Variants in AIPL1 observed in about 807,000 individuals in gnomAD.
AIPL1 encodes the protein aryl-hydrocarbon-interacting protein-like 1.
Under a neutral mutation model 32.9 loss-of-function variants are expected in AIPL1, and 23 were observed. That is an observed-to-expected ratio of 0.70 (90% CI 0.50 to 0.99). AIPL1 has a LOEUF of 0.99. Among genes scored for constraint, AIPL1 ranks in the 50% least tolerant of loss-of-function variants. AIPL1 has a pLI of 0.00. For missense variants in AIPL1, 485 were observed against 506.0 expected, an observed-to-expected ratio of 0.96 and a Z score of 0.40; for synonymous variants, 210 against 209.4, an observed-to-expected ratio of 1.00 and a Z score of -0.02.
At position 6,425,503 on chromosome 17, in the gene AIPL1, G is replaced by C. The variant is rs745586461; in HGVS notation, c.1112C>G (p.Ala371Gly). 10 of 1,608,294 alleles carry C rather than the reference G, an allele frequency of 6.2e-6. No individual in the cohort carries two copies. The Admixed American group carries it at 1.7e-4, about 27-fold the overall frequency. ...CCCTGGGGACGGGGGTGGCTCTGTG[G>C]CTGGCTCTGCAGGGGGCCCTGCGGA... ...ELSAGPPAEP[A>G]TEPPPSPGHS... Residue 371 changes from alanine to glycine, a missense_variant, in exon 6 of 6, where the codon GCC (alanine) becomes GGC (glycine). Ala to Gly is a moderately conservative substitution (Grantham distance 60, BLOSUM62 0). Coordinates refer to ENST00000381129, the MANE Select transcript of AIPL1 (RefSeq NM_014336.5).
At position 6,424,683 on chromosome 17, in the gene AIPL1, CT is replaced by C. The variant is rs1911732902; in HGVS notation, c.*776del. On this transcript the variant is annotated 3_prime_UTR_variant, in exon 6 of 6. Transcript: ENST00000381129. ...GTTCAATCAATTCTCCTGCCTCAGC[CT>C]CCCAAGTAGCTGGGATTATAGGCGC... 1 of 152,328 alleles carries C rather than the reference CT, an allele frequency of 6.6e-6. No homozygotes were observed. The highest frequency in any genetic ancestry group is 2.4e-5 in the African/African-American group (1 of 41,458). The allele number at this position is 152,328 out of a possible 1,614,324, so 9.4% of individuals were successfully genotyped here. A position where few individuals can be genotyped will look rare whatever the true frequency, so the allele number is the denominator to read the frequency against.
chr17:6,434,988 C>T, intron 1 of AIPL1, 21 bp downstream of exon 1: 2 of 1,614,110 alleles, frequency 1.2e-6, no homozygotes, highest in Non-Finnish European at 1.7e-6. Flanking sequence ...ACCCTGTCTG[C>T]TCCGGAGGGG....
At chr17:6,427,144 A>T in intron 3 of AIPL1, 87 bp from the exon 4 acceptor site, 1 of 1,451,822 alleles carries the variant, frequency 6.9e-7, no homozygotes, top group Non-Finnish European at 9.6e-7. Context: ...CCTGTGGCAC[A>T]TCTCCCTGAA....
At chr17:6,428,259 G>A (rs1912193401) in intron 3 of AIPL1, 59 bp downstream of exon 3, 1 of 1,587,046 alleles carries the variant, frequency 6.3e-7, no homozygotes, top group African/African-American at 1.3e-5. Flanking sequence ...TGCCCATGAT[G>A]CCCGCTGTCC....
At chr17:6,428,130 T>A (rs963701032) in intron 3 of AIPL1, among the ~76,000 whole-genome samples, 188 bp downstream of exon 3, 1 of 152,200 alleles carries the variant, frequency 6.6e-6, no homozygotes, top group East Asian at 1.9e-4. Flanking sequence ...CCAAAGGACT[T>A]TTCTTGTGGA....
intron 2 of AIPL1, among the ~76,000 whole-genome samples, chr17:6,432,373 C>CAAAAA (rs58253836): frequency 5.1e-5 from 7 of 138,154 alleles, no homozygotes; most frequent in Admixed American, 5.0e-4. Flanking sequence ...GACTCCGTCT[C>CAAAAA]AAAAAAAAAA....
chr17:6,427,068 A>G lies in AIPL1; in HGVS notation c.466-11T>C. On this transcript the variant is annotated splice_polypyrimidine_tract_variant and intron_variant, in intron 3 of 5. Coordinates refer to ENST00000381129, the MANE Select transcript of AIPL1 (RefSeq NM_014336.5). ...ACTCGGGGCATCAACCTGGCCCCAGAGCTGCAGGTCAGTGAGGCAGGGACC... is the reference window on the plus strand; with the variant it reads ...ACTCGGGGCATCAACCTGGCCCCAGGGCTGCAGGTCAGTGAGGCAGGGACC... 3 of 1,614,018 alleles carry G rather than the reference A, an allele frequency of 1.9e-6. No individual in the cohort carries two copies. Among genetic ancestry groups the G allele is most frequent in the Non-Finnish European group, 2.5e-6 (3 of 1,180,022 alleles).
chr17:6,431,145 T>C (rs1309168273), intron 2 of AIPL1, among the ~76,000 whole-genome samples: 3 of 152,162 alleles, frequency 2.0e-5, no homozygotes, highest in Admixed American at 2.0e-4. Flanking sequence ...GTGAAGAAGT[T>C]AATCTCAAAT....
rs927776117 is a variant in AIPL1 at position 6,425,977 on chromosome 17, A to G, written c.785-147T>C. 4 of 1,174,436 alleles carry G rather than the reference A, an allele frequency of 3.4e-6. No individual in the cohort carries two copies. The African/African-American group carries it at 4.6e-5, about 14-fold the overall frequency. The allele number at this position is 1,174,436 out of a possible 1,614,324, so 72.8% of individuals were successfully genotyped here. On this transcript the variant is annotated intron_variant, in intron 5 of 5. Coordinates refer to ENST00000381129, the MANE Select transcript of AIPL1 (RefSeq NM_014336.5). Reference sequence around the variant, plus strand: ...TATCCCCCATCCCTCGGTTTCCTCAACTGTAAGATGGAGATGATGATCATA... The same window carrying G: ...TATCCCCCATCCCTCGGTTTCCTCAGCTGTAAGATGGAGATGATGATCATA...
In AIPL1 at chr17:6,425,750, T is replaced by A; in HGVS notation, c.865A>T (p.Lys289Ter). Residue 289 changes from lysine (K) to a stop codon, truncating the protein, a stop_gained, in exon 6 of 6, where the codon AAA (lysine) becomes TAA (stop). Coordinates refer to ENST00000381129, the MANE Select transcript of AIPL1 (RefSeq NM_014336.5). LOFTEE classifies it low-confidence loss of function (END_TRUNC). ...NEAEAKADLQKVLELEPSMQK... is the reference protein window; with the variant it reads ...NEAEAKADLQ ...ATGGACGGCTCCAGCTCCAGCACTT[T>A]CTGGAGGTCCGCCTTGGCCTCGGCC... The A allele has an allele frequency of 6.2e-7, 1 of 1,607,578 alleles. No individual in the cohort carries two copies. Among genetic ancestry groups the A allele is most frequent in the Non-Finnish European group, 8.5e-7 (1 of 1,180,004 alleles).
At position 6,425,818 on chromosome 17, in the gene AIPL1, G is replaced by T. The variant is rs1447545940; in HGVS notation, c.797C>A (p.Ala266Asp). The change falls in exon 6 of 6, where the codon GCC (alanine) becomes GAC (aspartate). Residue 266 changes from alanine to aspartate, a missense_variant. Physicochemically the swap from Ala to Asp is moderately radical, Grantham distance 126. Transcript: ENST00000381129. ...ILRHHPGIVK[A>D]YYVRARAHAE... ...GTGAGCCCGGGCACGCACGTAGTAG[G>T]CCTTCACGATGCCTGTGGGGAGCAG... 6.2e-7 allele frequency: 1 copy of T among 1,604,060 alleles called. No homozygotes were observed. Among genetic ancestry groups the T allele is most frequent in the East Asian group, 2.2e-5 (1 of 44,812 alleles).
At chr17:6,429,497 G>A (rs925432001) in intron 2 of AIPL1, among the ~76,000 whole-genome samples, 2 of 152,194 alleles carry the variant, frequency 1.3e-5, no homozygotes, top group African/African-American at 2.4e-5. Flanking sequence ...ATTAGAGCTG[G>A]ACCAAGGGAG....
intron 3 of AIPL1, 127 bp downstream of exon 3, chr17:6,428,191 C>T: frequency 2.8e-6 from 3 of 1,068,552 alleles, no homozygotes; most frequent in Non-Finnish European, 4.2e-6. Flanking sequence ...GGCTTATGAA[C>T]CCTCTCGTAT....
In AIPL1 at chr17:6,434,019, A is replaced by T. The variant is rs545384558; in HGVS notation, c.176T>A (p.Met59Lys). Residue 59 changes from methionine (M) to lysine (K), a missense_variant, in exon 2 of 6, where the codon ATG (methionine) becomes AAG (lysine). By Grantham distance (95) the Met-to-Lys change is moderately conservative. Transcript: ENST00000381129. Reference sequence around the variant, plus strand: ...GAACATGTTTCCGATGATGATGTGCATGGGCTGGCCCACCTGCCGACTGTC... The same window carrying T: ...GAACATGTTTCCGATGATGATGTGCTTGGGCTGGCCCACCTGCCGACTGTC... The part of the protein sequence containing the change: ...IDDSRQVGQP[M>K]HIIIGNMFKL... 1 of 1,613,818 alleles carries T rather than the reference A, an allele frequency of 6.2e-7. No individual in the cohort carries two copies. The highest frequency in any genetic ancestry group is 1.3e-5 in the African/African-American group (1 of 74,758).
intron 2 of AIPL1, among the ~76,000 whole-genome samples, chr17:6,432,318 T>G (rs1004089706): frequency 6.6e-6 from 1 of 151,174 alleles, no homozygotes; most frequent in African/African-American, 2.4e-5. Flanking sequence ...AAGGTTGCAG[T>G]GAGCCAAGAT....
intron 5 of AIPL1, chr17:6,426,144 G>C: frequency 3.1e-6 from 4 of 1,309,430 alleles, no homozygotes; most frequent in Non-Finnish European, 3.9e-6. Flanking sequence ...TGGTGATTAT[G>C]AGGATTATGA....
At chr17:6,427,942 A>C (rs1912156457) in intron 3 of AIPL1, among the ~76,000 whole-genome samples, 1 of 151,926 alleles carries the variant, frequency 6.6e-6, no homozygotes, top group African/African-American at 2.4e-5. Context: ...CAAATTCCCA[A>C]GTAGCTGGGA....
intron 2 of AIPL1, among the ~76,000 whole-genome samples, chr17:6,430,020 A>G (rs941422596): frequency 1.3e-4 from 19 of 150,744 alleles, no homozygotes; most frequent in African/African-American, 4.7e-4. Flanking sequence ...GTGGATGTGC[A>G]GGTGAAGAAC....
intron 2 of AIPL1, among the ~76,000 whole-genome samples, chr17:6,429,060 G>C (rs1912294004): frequency 6.6e-6 from 1 of 152,218 alleles, no homozygotes; most frequent in Admixed American, 6.5e-5. Context: ...AGTTCCCTGG[G>C]TTGCTCCTGT....
Sources: allele counts gnomAD v4.1 joint callset (sites outside exome capture counted in the v4.1 genomes callset), GRCh38; gene constraint gnomAD v4.1.1; transcripts MANE v1.5; gene names NCBI Gene and HGNC (gene_info 2026-07-23, HGNC 2026-07-21).